Variants in DAAM2 observed in about 807,000 individuals in gnomAD.
DAAM2 encodes the protein dishevelled associated activator of morphogenesis 2, also known as disheveled-associated activator of morphogenesis 2.
Under a neutral mutation model 120.7 loss-of-function variants are expected in DAAM2, and 39 were observed. The ratio of observed to expected loss-of-function variants is 0.32; its 90% CI spans 0.25 to 0.42. The LOEUF (loss-of-function observed/expected upper bound fraction) is 0.42, where lower values mean the gene tolerates loss of function less well. DAAM2 is among the 10% of genes least tolerant of loss of function. The probability of loss-of-function intolerance (pLI) is 1.00; values close to 1 mark genes in which losing one functional copy is unlikely to be tolerated. For missense variants in DAAM2, 1,283 were observed against 1,401.7 expected (o/e 0.92, Z 1.35); for synonymous variants, 488 against 524.9 (o/e 0.93, Z 0.96).
At chr6:39,837,335 G>A (rs9369142) in intron 1 of DAAM2, among the ~76,000 whole-genome samples, 5 of 151,816 alleles carry the variant, frequency 3.3e-5, no homozygotes, top group Non-Finnish European at 5.9e-5. Flanking sequence ...GTGAATTGGC[G>A]TCATTCATGG....
intron 1 of DAAM2, among the ~76,000 whole-genome samples, chr6:39,840,268 G>C (rs1763274926): frequency 6.6e-6 from 1 of 152,142 alleles, no homozygotes; most frequent in Non-Finnish European, 1.5e-5. Context: ...AGCTAGGTCA[G>C]AACCTGCCTC....
At position 39,897,296 on chromosome 6, in the gene DAAM2, C is replaced by T; in HGVS notation, c.2618+14C>T. ...TGCCAAAGTCAAGTGAGGGTTCTCT[C>T]CAAGACTTCCTTCTCCCCATGATGA... On this transcript the variant is annotated intron_variant, in intron 21 of 24. Transcript: ENST00000274867. 1.3e-6 allele frequency: 2 copies of T among 1,495,884 alleles called. No homozygotes were observed. The highest frequency in any genetic ancestry group is 1.9e-6 in the Non-Finnish European group (2 of 1,073,236). 92.7% of individuals were successfully genotyped at this position (1,495,884 alleles called of 1,614,324 possible). A position where few individuals can be genotyped will look rare whatever the true frequency, so the allele number is the denominator to read the frequency against.
rs199767843 is a variant in DAAM2 at position 39,856,354 on chromosome 6, G to C, written c.52G>C (p.Gly18Arg). 1.2e-5 allele frequency: 19 copies of C among 1,552,988 alleles called. No individual in the cohort carries two copies. Among genetic ancestry groups the C allele is most frequent in the Non-Finnish European group, 1.6e-5 (18 of 1,149,220 alleles). ...TGGCCTGGGCTTCCTGTGCTGCTTC[G>C]GGGGCAGTGACATCCCCGAAATCAA... ...HHGLGFLCCF[G>R]GSDIPEINLR... Residue 18 changes from glycine to arginine, a missense_variant, in exon 2 of 25, where the codon GGG (glycine) becomes CGG (arginine). Around this residue, in one of 3 missense-constraint regions of DAAM2, gnomAD observed 197 missense variants for 189.3 expected, o/e 1.04. Transcript: ENST00000274867.
intron 1 of DAAM2, among the ~76,000 whole-genome samples, chr6:39,805,693 T>A (rs763562057): frequency 2.6e-5 from 4 of 151,986 alleles, no homozygotes; most frequent in Non-Finnish European, 5.9e-5. Flanking sequence ...TAGCTGGGAC[T>A]ACAGGCACCC....
At chr6:39,861,315 C>G in intron 3 of DAAM2, 1 of 433,266 alleles carries the variant, frequency 2.3e-6, no homozygotes, top group Admixed American at 3.2e-5. Flanking sequence ...CGTGCCTGCT[C>G]CCAGGCATGG....
At chr6:39,883,921 T>C in intron 14 of DAAM2, 41 bp from the exon 15 acceptor site, 3 of 1,383,258 alleles carry the variant, frequency 2.2e-6, no homozygotes, top group Non-Finnish European at 3.1e-6. Flanking sequence ...CATGATGGAG[T>C]TGGGCCAACC....
chr6:39,899,951 G>C, intron 22 of DAAM2, 126 bp from the exon 23 acceptor site: 1 of 1,059,528 alleles, frequency 9.4e-7, no homozygotes, highest in Non-Finnish European at 1.3e-6. Flanking sequence ...AGAACTTTGA[G>C]ATGCAGGGTG....
intron 1 of DAAM2, among the ~76,000 whole-genome samples, chr6:39,832,399 C>T (rs6937625): frequency 0.094 from 14,231 of 152,056 alleles, 1,337 homozygotes; most frequent in East Asian, 0.32. Context: ...TTCCTTTTGT[C>T]TATCTGGGAA....
chr6:39,852,544 A>G (rs575298898), intron 1 of DAAM2, among the ~76,000 whole-genome samples: 1 of 152,324 alleles, frequency 6.6e-6, no homozygotes, highest in Non-Finnish European at 1.5e-5. Flanking sequence ...GGCTCTGGGC[A>G]GGGCGAGTCT....
chr6:39,850,029 T>TCCCAGCCCCAGC lies in DAAM2; in HGVS notation c.-56-6212_-56-6201dup, dbSNP rs140194132. 9.3e-3 allele frequency among the ~76,000 whole-genome samples: 1,407 copies of TCCCAGCCCCAGC among 151,830 alleles called. 17 individuals are homozygous for TCCCAGCCCCAGC. Among genetic ancestry groups the TCCCAGCCCCAGC allele is most frequent in the East Asian group, 0.057 (295 of 5,148 alleles). On this transcript the variant is annotated intron_variant, in intron 1 of 24. Coordinates refer to ENST00000274867, the MANE Select transcript of DAAM2 (RefSeq NM_001201427.2). ...AGCTCTGGGAAGCTCTGAGCCCCAT[T>TCCCAGCCCCAGC]CCCAGCCCCAGCCCCAGGGGACCTG...
intron 17 of DAAM2, among the ~76,000 whole-genome samples, chr6:39,891,028 G>A (rs1582751266): frequency 6.6e-6 from 1 of 151,688 alleles, no homozygotes; most frequent in East Asian, 1.9e-4. Context: ...AGGAGGTCAC[G>A]GCTGCAGTGA....
chr6:39,867,471 A>T (rs1398568275), intron 5 of DAAM2, 39 bp from the exon 6 acceptor site: 2 of 1,592,266 alleles, frequency 1.3e-6, no homozygotes, highest in Non-Finnish European at 1.7e-6. Flanking sequence ...ACACAGAATC[A>T]TATGCAAATA....
In DAAM2 at chr6:39,891,374, G is replaced by T. The variant is rs747674471; in HGVS notation, c.2179G>T (p.Asp727Tyr). 6.2e-7 allele frequency: 1 copy of T among 1,610,914 alleles called. No individual in the cohort carries two copies. The highest frequency in any genetic ancestry group is 1.3e-5 in the African/African-American group (1 of 75,008). ...LKFIPEKSDI[D>Y]LLEEHKHEIE... is the part of the protein sequence containing the mutation. ...GTTCATCCCAGAGAAGAGTGACATT[G>T]ACCTCCTGGAGGAGCACAAGCATGA... The change falls in exon 18 of 25, where the codon GAC becomes TAC. Residue 727 changes from aspartate to tyrosine, a missense_variant. By Grantham distance (160) the Asp-to-Tyr change is radical. Transcript: ENST00000274867.
At chr6:39,888,596 G>A (rs1305529459) in intron 16 of DAAM2, 83 bp from the exon 17 acceptor site, 3 of 1,148,778 alleles carry the variant, frequency 2.6e-6, no homozygotes, top group East Asian at 4.8e-5. Context: ...AGTCCTGTTA[G>A]GGAATGAGGG....
At chr6:39,808,398 G>A (rs576115462) in intron 1 of DAAM2, among the ~76,000 whole-genome samples, 2 of 152,258 alleles carry the variant, frequency 1.3e-5, no homozygotes, top group South Asian at 4.1e-4. Context: ...GCTACAGGGT[G>A]AAAGAATTTT....
rs143630420 is a variant in DAAM2, at chr6:39,869,905, T to G, written c.874-435T>G. ...ATGGCTGGCATGTGCTCTGATTAGC[T>G]GGTAACCACACCTCATCAGGTAATT... On this transcript the variant is annotated intron_variant, in intron 7 of 24. Coordinates refer to ENST00000274867, the MANE Select transcript of DAAM2 (RefSeq NM_001201427.2). Among the ~76,000 whole-genome samples, 1,486 of 152,206 alleles carry G rather than the reference T, an allele frequency of 9.8e-3. 9 individuals carry two copies. Among genetic ancestry groups the G allele is most frequent in the African/African-American group, 0.033 (1,382 of 41,508 alleles).
chr6:39,830,263 G>A (rs900774379), intron 1 of DAAM2, among the ~76,000 whole-genome samples: 40 of 152,214 alleles, frequency 2.6e-4, no homozygotes, highest in African/African-American at 9.2e-4. Context: ...TCTTTTTCTG[G>A]GTCCGTCATG....
At chr6:39,795,576 T>A (rs1053542948) in intron 1 of DAAM2, among the ~76,000 whole-genome samples, 1 of 152,238 alleles carries the variant, frequency 6.6e-6, no homozygotes, top group African/African-American at 2.4e-5. Flanking sequence ...CTCAGAATGT[T>A]ATAAGACCCT....
Position 39,879,244 on chromosome 6 carries a change from A to G in DAAM2, c.1612A>G (p.Asn538Asp). 1 of 1,548,246 alleles carries G rather than the reference A, an allele frequency of 6.5e-7. No homozygotes were observed. Among genetic ancestry groups the G allele is most frequent in the South Asian group, 1.2e-5 (1 of 83,564 alleles). Residue 538 changes from asparagine to aspartate, a missense_variant, in exon 14 of 25, where the codon AAT becomes GAT. By Grantham distance (23) the Asn-to-Asp change is conservative. Transcript: ENST00000274867. ...PLTLSSSMTTNDLPPPPPPLP... is the reference protein window; with the variant it reads ...PLTLSSSMTTDDLPPPPPPLP... Reference sequence around the variant, plus strand: ...CACCTTGTCTTCCTCAATGACAACCAATGACCTGCCTCCACCCCCTCCTCC... The same window carrying G: ...CACCTTGTCTTCCTCAATGACAACCGATGACCTGCCTCCACCCCCTCCTCC...
Sources: allele counts gnomAD v4.1 joint callset (sites outside exome capture counted in the v4.1 genomes callset), GRCh38; gene constraint gnomAD v4.1.1; regional missense constraint gnomAD v4.1.1; transcripts MANE v1.5; gene names NCBI Gene and HGNC (gene_info 2026-07-23, HGNC 2026-07-21).